The following NUP37 variants were observed in gnomAD, a reference collection of about 807,000 sequenced individuals.
NUP37 encodes nucleoporin Nup37.
In NUP37, 33 loss-of-function variants were observed where a neutral mutation model predicts 45.4. The ratio of observed to expected loss-of-function variants is 0.73; its 90% CI spans 0.55 to 0.97. The LOEUF is 0.97. NUP37 is among the 50% of genes least tolerant of loss of function. NUP37 has a pLI of 0.00. For missense variants in NUP37, 365 were observed against 389.7 expected (o/e 0.94, Z 0.53); for synonymous variants, 127 against 130.7 (o/e 0.97, Z 0.19).
chr12:102,105,465 G>A (rs929662654), intron 3 of NUP37, among the ~76,000 whole-genome samples: 2 of 152,144 alleles, frequency 1.3e-5, no homozygotes, highest in African/African-American at 4.8e-5. Context: ...GGGAGGCGGA[G>A]GTTGTAGTGA....
At chr12:102,075,963 C>G (rs1481930075) in intron 8 of NUP37, among the ~76,000 whole-genome samples, 1 of 151,884 alleles carries the variant, frequency 6.6e-6, no homozygotes, top group Non-Finnish European at 1.5e-5. Context: ...AACTATGAAG[C>G]AACAAGTCCC....
At chr12:102,116,534 CCAAA>C (rs1414174147) in intron 2 of NUP37, among the ~76,000 whole-genome samples, 1 of 152,102 alleles carries the variant, frequency 6.6e-6, no homozygotes, top group Non-Finnish European at 1.5e-5. Context: ...CTACTCCCAC[CCAAA>C]CAGACAGTAC....
At chr12:102,081,590 A>C (rs530730204) in intron 6 of NUP37, among the ~76,000 whole-genome samples, 1 of 152,352 alleles carries the variant, frequency 6.6e-6, no homozygotes, top group East Asian at 1.9e-4. Context: ...AAAATACAAT[A>C]CTACTACTGT....
chr12:102,085,790 G>A lies in NUP37; in HGVS notation c.516C>T (p.Cys172=), dbSNP rs1478837472. 6.3e-7 allele frequency: 1 copy of A among 1,588,206 alleles called. No individual in the cohort carries two copies. Among genetic ancestry groups the A allele is most frequent in the Non-Finnish European group, 8.6e-7 (1 of 1,159,320 alleles). The change falls in exon 6 of 10, where the codon TGC becomes TGT. Residue 172 remains cysteine (C), a synonymous_variant. Coordinates refer to ENST00000552283, the MANE Select transcript of NUP37 (RefSeq NM_024057.4). ...CCTTAAAAGTCTCCTCAGGATGCCA[G>A]CACACACTCATGCCAGGAGAATGAA... ...FVLHSPGMSV[C]WHPEETFKLM... is the part of the protein sequence containing the mutation.
intron 3 of NUP37, among the ~76,000 whole-genome samples, chr12:102,110,621 T>A (rs541320733): frequency 1.3e-5 from 2 of 152,024 alleles, no homozygotes; most frequent in Non-Finnish European, 2.9e-5. Flanking sequence ...GGCACATGGA[T>A]TGCCTGAGCT....
intron 7 of NUP37, 69 bp from the exon 8 acceptor site, chr12:102,076,916 C>A: frequency 9.0e-7 from 1 of 1,105,950 alleles, no homozygotes; most frequent in African/African-American, 1.6e-5. Flanking sequence ...AAGGTTTAAA[C>A]AGTATTTTCT....
intron 6 of NUP37, among the ~76,000 whole-genome samples, chr12:102,083,664 G>A (rs1233134492): frequency 6.6e-6 from 1 of 152,166 alleles, no homozygotes; most frequent in Non-Finnish European, 1.5e-5. Context: ...AGGGTACAGT[G>A]TAGTGACAAT....
chr12:102,117,456 A>AAAAT (rs1880497839), intron 2 of NUP37, among the ~76,000 whole-genome samples: 1 of 152,092 alleles, frequency 6.6e-6, no homozygotes, highest in African/African-American at 2.4e-5. Flanking sequence ...AAAAAAATAA[A>AAAAT]AATAATAATA....
chr12:102,118,050 A>T (rs1360863474), intron 2 of NUP37, among the ~76,000 whole-genome samples: 3 of 152,178 alleles, frequency 2.0e-5, no homozygotes, highest in Non-Finnish European at 2.9e-5. Flanking sequence ...ACCGTAATTA[A>T]TTGGATCTCA....
intron 5 of NUP37, among the ~76,000 whole-genome samples, chr12:102,091,585 T>G (rs1340586910): frequency 6.6e-6 from 1 of 152,118 alleles, no homozygotes; most frequent in Admixed American, 6.6e-5. Context: ...ACATACATAG[T>G]ACATATTTAA....
rs572691385 is a variant in NUP37 at position 102,092,458 on chromosome 12, A to G, written c.450-6602T>C. On this transcript the variant is annotated intron_variant, in intron 5 of 9. Transcript: ENST00000552283. ...CAGGAAAGGGACCCTCAACATTCTTAGACAAGAAACATATTTTCCACTGAG... is the reference window on the plus strand; with the variant it reads ...CAGGAAAGGGACCCTCAACATTCTTGGACAAGAAACATATTTTCCACTGAG... Among the ~76,000 whole-genome samples, 9 of 152,344 alleles carry G rather than the reference A, an allele frequency of 5.9e-5. No homozygotes were observed. The East Asian group carries it at 1.5e-3, about 26-fold the overall frequency.
At chr12:102,116,726 T>G (rs1227831410) in intron 2 of NUP37, among the ~76,000 whole-genome samples, 1 of 152,214 alleles carries the variant, frequency 6.6e-6, no homozygotes, top group East Asian at 1.9e-4. Flanking sequence ...GAATTGCCGC[T>G]GGGCATGGTG....
chr12:102,078,616 A>G (rs1292451528), intron 6 of NUP37, among the ~76,000 whole-genome samples: 3 of 152,088 alleles, frequency 2.0e-5, no homozygotes, highest in African/African-American at 7.2e-5. Context: ...AGTGACTGCC[A>G]TGTGACTGGC....
chr12:102,077,635 G>GA, intron 6 of NUP37, 132 bp from the exon 7 acceptor site: 1 of 918,498 alleles, frequency 1.1e-6, no homozygotes, highest in Non-Finnish European at 1.6e-6. Context: ...TTCCTCATCT[G>GA]AAAATCTGCA....
intron 6 of NUP37, among the ~76,000 whole-genome samples, chr12:102,077,818 A>G (rs775362144): frequency 1.3e-5 from 2 of 152,220 alleles, no homozygotes; most frequent in Non-Finnish European, 2.9e-5. Context: ...AATGAATTTC[A>G]TGTTTAGACT....
At chr12:102,074,951 C>CA (rs772868584) in intron 9 of NUP37, 50 bp downstream of exon 9, 1 of 1,220,146 alleles carries the variant, frequency 8.2e-7, no homozygotes, top group African/African-American at 1.6e-5. Flanking sequence ...GTCAAAAACA[C>CA]AAATTAAAAA....
At chr12:102,113,987 G>C (rs1880389529) in intron 2 of NUP37, among the ~76,000 whole-genome samples, 1 of 152,122 alleles carries the variant, frequency 6.6e-6, no homozygotes, top group Non-Finnish European at 1.5e-5. Context: ...GTGAACTTAA[G>C]AGTTAACAGC....
At position 102,118,618 on chromosome 12, in the gene NUP37, C is replaced by A. The variant is rs918007319; in HGVS notation, c.-65-35G>T. ...AGAGCACAGGTACAATTACAATGGT[C>A]AATATGTTAGTCATTCAGCAAATGC... On this transcript the variant is annotated intron_variant, in intron 1 of 9. Coordinates refer to ENST00000552283, the MANE Select transcript of NUP37 (RefSeq NM_024057.4). The A allele has an allele frequency of 4.8e-6, 5 of 1,040,496 alleles. No individual in the cohort carries two copies. The African/African-American group carries it at 8.0e-5, about 17-fold the overall frequency. 64.5% of individuals were successfully genotyped at this position (1,040,496 alleles called of 1,614,324 possible).
At chr12:102,102,700 T>A (rs1880009750) in intron 3 of NUP37, among the ~76,000 whole-genome samples, 1 of 152,232 alleles carries the variant, frequency 6.6e-6, no homozygotes, top group South Asian at 2.1e-4. Flanking sequence ...TGTGAAGCTT[T>A]TTCTGTTTTC....
Sources: allele counts gnomAD v4.1 joint callset (sites outside exome capture counted in the v4.1 genomes callset), GRCh38; gene constraint gnomAD v4.1.1; transcripts MANE v1.5; gene names NCBI Gene and HGNC (gene_info 2026-07-23, HGNC 2026-07-21).